Variants in VILL observed in about 807,000 individuals in gnomAD.
VILL encodes villin-like protein.
A neutral mutation model predicts 106.3 loss-of-function variants in VILL; 102 were observed. The ratio of observed to expected loss-of-function variants is 0.96; its 90% CI spans 0.82 to 1.13. The LOEUF is 1.13. Among genes scored for constraint, VILL ranks in the 50% most tolerant of loss-of-function variants. The pLI, the probability that VILL is intolerant of heterozygous loss-of-function variation, is 0.00. For missense variants in VILL, 1,076 were observed against 1,116.6 expected (o/e 0.96, Z 0.52); for synonymous variants, 431 against 440.3 (o/e 0.98, Z 0.27).
rs746476260 is a variant in VILL at position 37,999,327 on chromosome 3, T to C, written c.1082-12T>C. 2 of 1,503,920 alleles carry C rather than the reference T, an allele frequency of 1.3e-6. No individual in the cohort carries two copies. The highest frequency in any genetic ancestry group is 1.8e-6 in the Non-Finnish European group (2 of 1,126,938). 93.2% of individuals were successfully genotyped at this position (1,503,920 alleles called of 1,614,324 possible). A position where few individuals can be genotyped will look rare whatever the true frequency, so the allele number is the denominator to read the frequency against. ...CAGAGGGCGCCACTGACGCCTACTG[T>C]CCCCCCTTCAGATAAATCGATTCAT... On this transcript the variant is annotated splice_polypyrimidine_tract_variant and intron_variant, in intron 10 of 19. Coordinates refer to ENST00000383759, the MANE Select transcript of VILL (RefSeq NM_015873.4).
rs1699754826 is a variant in VILL at position 37,998,819 on chromosome 3, G to T, written c.943-93G>T. ...GAGCTCGGTTAATTAACGCTTCTTG[G>T]AGCTCGGCTGTCCCAGAGCGGTAGG... On this transcript the variant is annotated intron_variant, in intron 9 of 19. Transcript: ENST00000383759. The surrounding 1 kb of genome is among the most constrained non-coding windows in gnomAD (Gnocchi z 4.1). 1 of 1,488,032 alleles carries T rather than the reference G, an allele frequency of 6.7e-7. No homozygotes were observed. Among genetic ancestry groups the T allele is most frequent in the African/African-American group, 1.4e-5 (1 of 70,820 alleles). 92.2% of individuals were successfully genotyped at this position (1,488,032 alleles called of 1,614,324 possible).
intron 1 of VILL, among the ~76,000 whole-genome samples, chr3:37,991,839 G>C (rs1699615221): frequency 6.6e-6 from 1 of 151,862 alleles, no homozygotes; most frequent in Non-Finnish European, 1.5e-5. Context: ...GAGGGCTTGG[G>C]AGGCTGGAGG....
upstream of VILL, among the ~76,000 whole-genome samples, chr3:37,989,498 A>G (rs1699585553): frequency 6.6e-6 from 1 of 152,180 alleles, no homozygotes; most frequent in South Asian, 2.1e-4. Context: ...GGAAGGAACA[A>G]TGGTGACTGA....
rs1390302614 is a variant in VILL at position 37,998,631 on chromosome 3, TTC to T, written c.942+269_942+270del. On this transcript the variant is annotated intron_variant, in intron 9 of 19. Coordinates refer to ENST00000383759, the MANE Select transcript of VILL (RefSeq NM_015873.4). This position sits in a 1 kb window ranked among gnomAD's most constrained non-coding sequence, Gnocchi z 4.1. Reference sequence around the variant, plus strand: ...GCCCTACTGACTGGGCGGTCCCGCTTTCTGAGGGTGGGGCTGGGGAGGAGACA... The same window carrying T: ...GCCCTACTGACTGGGCGGTCCCGCTTTGAGGGTGGGGCTGGGGAGGAGACA... 6.6e-6 allele frequency among the ~76,000 whole-genome samples: 1 copy of T among 152,032 alleles called. No homozygotes were observed. Among genetic ancestry groups the T allele is most frequent in the Non-Finnish European group, 1.5e-5 (1 of 67,984 alleles).
chr3:37,999,188 G>A, intron 10 of VILL, 138 bp downstream of exon 10: 1 of 1,237,638 alleles, frequency 8.1e-7, no homozygotes, highest in East Asian at 2.8e-5. Flanking sequence ...GCACGGGGCG[G>A]AACAGAGCCT....
upstream of VILL, among the ~76,000 whole-genome samples, chr3:37,989,400 A>G (rs1339844170): frequency 6.6e-6 from 1 of 152,176 alleles, no homozygotes; most frequent in East Asian, 1.9e-4. Flanking sequence ...GGAACTGGGA[A>G]GGAAACTGGA....
chr3:38,000,763 G>A, intron 11 of VILL: 1 of 408,024 alleles, frequency 2.5e-6, no homozygotes, highest in East Asian at 7.2e-5. Flanking sequence ...GCTCTGGTCT[G>A]GAGGTCGGCT....
chr3:37,992,219 C>A (rs1699620626), intron 1 of VILL, among the ~76,000 whole-genome samples: 1 of 152,182 alleles, frequency 6.6e-6, no homozygotes, highest in Non-Finnish European at 1.5e-5. Context: ...TCACTGCCTG[C>A]CTGGGCCTCT....
chr3:37,991,893 A>G (rs781576692), intron 1 of VILL, among the ~76,000 whole-genome samples: 2 of 152,070 alleles, frequency 1.3e-5, no homozygotes, highest in Non-Finnish European at 2.9e-5. Flanking sequence ...TTGAGCACCC[A>G]TTCCTCCCTG....
At chr3:38,004,216 C>T (rs765165265) in intron 15 of VILL, 39 bp from the exon 16 acceptor site, 1 of 1,587,450 alleles carries the variant, frequency 6.3e-7, no homozygotes, top group Admixed American at 1.7e-5. Context: ...TGGGGTGCCC[C>T]TCTGGGTGGC....
In VILL at chr3:38,006,561, GCCCCAAGT is replaced by G; in HGVS notation, c.2320_2327del (p.Pro774GlyfsTer31). On this transcript the variant is annotated frameshift_variant, in exon 19 of 20. Transcript: ENST00000383759. LOFTEE classifies it high-confidence loss of function. Reference sequence around the variant, plus strand: ...AGCTCAGAGAATGATCTGGTGCGAAGCCCCAAGTCGGCTGGCAGCAGAACCAGCAGCTC... The same window carrying G: ...AGCTCAGAGAATGATCTGGTGCGAAGCGGCTGGCAGCAGAACCAGCAGCTC... The G allele has an allele frequency of 1.2e-6, 2 of 1,614,152 alleles. No individual in the cohort carries two copies. Among genetic ancestry groups the G allele is most frequent in the Non-Finnish European group, 1.7e-6 (2 of 1,180,024 alleles).
Position 38,001,261 on chromosome 3 carries a change from GA to G in VILL, c.1183-192del, listed in dbSNP as rs1699810377. 4.2e-5 allele frequency: 34 copies of G among 811,152 alleles called. No individual in the cohort carries two copies. The South Asian group carries it at 6.2e-4, about 15-fold the overall frequency. 50.2% of individuals were successfully genotyped at this position (811,152 alleles called of 1,614,324 possible). On this transcript the variant is annotated intron_variant, in intron 11 of 19. Transcript: ENST00000383759. ...GTGGTGGGTTTCAGGGGTCCGTGGG[GA>G]AAGGGTCACCTGCAGATCCTTGTAC... is the stretch of plus-strand genomic sequence containing the variant.
intron 16 of VILL, 128 bp downstream of exon 16, chr3:38,004,527 T>A: frequency 7.9e-7 from 1 of 1,264,732 alleles, no homozygotes; most frequent in Non-Finnish European, 1.1e-6. Flanking sequence ...ACCCTGTCAC[T>A]GAGCAATTGC....
At position 38,006,642 on chromosome 3, in the gene VILL, A is replaced by G; in HGVS notation, c.2399A>G (p.Gln800Arg). ...ATCAACGGGGGCCTGCGCCGGGAAC[A>G]ACTGATGCACCAGGCTGTTGAGGAC... The part of the protein sequence containing the change: ...ATINGGLRRE[Q>R]LMHQAVEDLP... The change falls in exon 19 of 20, where the codon CAA becomes CGA. Residue 800 changes from glutamine (Q) to arginine (R), a missense_variant. Physicochemically the swap from Gln to Arg is conservative, Grantham distance 43. Transcript: ENST00000383759. The G allele has an allele frequency of 6.2e-7, 1 of 1,613,768 alleles. No individual in the cohort carries two copies. The highest frequency in any genetic ancestry group is 1.3e-5 in the African/African-American group (1 of 75,074).
Position 38,001,847 on chromosome 3 carries a change from T to A in VILL, c.1466T>A (p.Leu489Gln), listed in dbSNP as rs1414268561. 1 of 1,614,272 alleles carries A rather than the reference T, an allele frequency of 6.2e-7. No homozygotes were observed. Among genetic ancestry groups the A allele is most frequent in the African/African-American group, 1.3e-5 (1 of 75,072 alleles). The stretch of plus-strand genomic sequence containing the variant: ...TTCCTCGCCATCTTCCAGGGCCAGC[T>A]GGTGATCTTCCAGGTAGGTCTCACC... ...PHFLAIFQGQ[L>Q]VIFQERAGHH... Residue 489 changes from leucine (L) to glutamine (Q), a missense_variant, in exon 13 of 20, where the codon CTG (leucine) becomes CAG (glutamine). Transcript: ENST00000383759.
chr3:38,006,983 A>C lies in VILL; in HGVS notation c.2499A>C (p.Lys833Asn). Residue 833 changes from lysine to asparagine, a missense_variant, in exon 20 of 20, where the codon AAA (lysine) becomes AAC (asparagine). By Grantham distance (94) the Lys-to-Asn change is moderately conservative (BLOSUM62 0). Coordinates refer to ENST00000383759, the MANE Select transcript of VILL (RefSeq NM_015873.4). ...CTGACTTCCAAGATATCTTTGGGAA[A>C]TCCAAGGAGGAATTCTACAGCATGG... The part of the protein sequence containing the change: ...SDSDFQDIFG[K>N]SKEEFYSMAT... 6.2e-7 allele frequency: 1 copy of C among 1,614,124 alleles called. No individual in the cohort carries two copies. Among genetic ancestry groups the C allele is most frequent in the Non-Finnish European group, 8.5e-7 (1 of 1,180,004 alleles).
At chr3:38,003,589 A>T (rs1295778488) in intron 15 of VILL, 1 of 444,380 alleles carries the variant, frequency 2.3e-6, no homozygotes, top group Non-Finnish European at 4.1e-6. Flanking sequence ...GGGCCAGGGG[A>T]CAAAGCACCC....
chr3:38,000,795 T>C (rs1368550816), intron 11 of VILL: 2 of 440,604 alleles, frequency 4.5e-6, no homozygotes, highest in Non-Finnish European at 9.3e-6. Context: ...ACTGTCAGGG[T>C]CAGTGTGGGA....
At position 38,006,451 on chromosome 3, in the gene VILL, A is replaced by T. The variant is rs1699926710; in HGVS notation, c.2208A>T (p.Glu736Asp). The T allele has an allele frequency of 1.3e-6, 2 of 1,597,562 alleles. No homozygotes were observed. Among genetic ancestry groups the T allele is most frequent in the Admixed American group, 3.4e-5 (2 of 59,084 alleles). Residue 736 changes from glutamate to aspartate, a missense_variant and splice_region_variant, in exon 19 of 20, where the codon GAA becomes GAT. Transcript: ENST00000383759. Reference protein sequence around the residue: ...AASTISEITAEVNNLRLSRWP... With the variant: ...AASTISEITADVNNLRLSRWP... ...GCCTGAGGCTCCTCTCTGGACAGGA[A>T]GTCAACAACTTGCGGCTATCCAGAT... is the stretch of plus-strand genomic sequence containing the variant.
Sources: gnomAD v4.1 joint callset for allele counts (sites outside exome capture counted in the v4.1 genomes callset) on GRCh38, gnomAD v4.1.1 for gene constraint, Gnocchi (gnomAD v3.1) non-coding constraint, MANE v1.5 for transcripts, NCBI Gene and HGNC (gene_info 2026-07-23, HGNC 2026-07-21) for gene names.